Variants in ERICH6B observed in about 807,000 individuals in gnomAD.
The protein encoded by ERICH6B is glutamate rich 6B.
A neutral mutation model predicts 80.0 loss-of-function variants in ERICH6B; 69 were observed. The ratio of observed to expected loss-of-function variants is 0.86; its 90% CI spans 0.71 to 1.05. The LOEUF is 1.05. ERICH6B is among the 50% of genes least tolerant of loss of function. ERICH6B has a pLI of 0.00. For missense variants in ERICH6B, 754 were observed against 796.1 expected, an observed-to-expected ratio of 0.95 and a Z score of 0.64; for synonymous variants, 283 against 291.9, an observed-to-expected ratio of 0.97 and a Z score of 0.31.
chr13:45,548,536 G>A (rs922687630), intron 13 of ERICH6B, among the ~76,000 whole-genome samples: 1 of 152,182 alleles, frequency 6.6e-6, no homozygotes, highest in African/African-American at 2.4e-5. Flanking sequence ...GAGAGAGGGA[G>A]AGAGGCTGGC....
chr13:45,612,519 G>A (rs920546775), intron 1 of ERICH6B, among the ~76,000 whole-genome samples: 1 of 152,198 alleles, frequency 6.6e-6, no homozygotes, highest in African/African-American at 2.4e-5. Context: ...TGGCCCCTGG[G>A]GTATGGGGCC....
intron 1 of ERICH6B, among the ~76,000 whole-genome samples, chr13:45,608,083 T>C (rs1459929796): frequency 6.6e-6 from 1 of 152,158 alleles, no homozygotes; most frequent in Admixed American, 6.5e-5. Context: ...AAAATTAGTA[T>C]GGAACAGGAA....
chr13:45,583,117 TC>T (rs1875743928), intron 5 of ERICH6B, among the ~76,000 whole-genome samples: 2 of 152,240 alleles, frequency 1.3e-5, no homozygotes, highest in African/African-American at 4.8e-5. Context: ...AATCTTTAGT[TC>T]CTGCTATTTC....
intron 2 of ERICH6B, among the ~76,000 whole-genome samples, chr13:45,597,331 C>A (rs914491803): frequency 1.3e-5 from 2 of 152,176 alleles, no homozygotes; most frequent in African/African-American, 4.8e-5. Flanking sequence ...GGAAAGCAAT[C>A]ATTGTTTAGT....
intron 2 of ERICH6B, among the ~76,000 whole-genome samples, chr13:45,601,998 G>A (rs112872846): frequency 1.4e-4 from 22 of 152,312 alleles, no homozygotes; most frequent in Non-Finnish European, 2.2e-4. Context: ...GTGTGTAAAC[G>A]TCTATGTGTG....
At chr13:45,562,604 C>A (rs1025308776) in intron 10 of ERICH6B, among the ~76,000 whole-genome samples, 2 of 152,100 alleles carry the variant, frequency 1.3e-5, no homozygotes, top group African/African-American at 4.8e-5. Context: ...AAGGGGATGT[C>A]AGTTAGGAGA....
chr13:45,574,799 G>C (rs1875310860), intron 8 of ERICH6B, 43 bp downstream of exon 8: 1 of 1,453,486 alleles, frequency 6.9e-7, no homozygotes, highest in African/African-American at 1.6e-5. Flanking sequence ...CCCTACATTT[G>C]GAGGAAGCTG....
intron 1 of ERICH6B, among the ~76,000 whole-genome samples, chr13:45,609,601 C>A (rs1383369667): frequency 6.6e-6 from 1 of 152,176 alleles, no homozygotes; most frequent in African/African-American, 2.4e-5. Context: ...TAGAATAGTG[C>A]CTGGCATTTG....
At chr13:45,594,018 T>G (rs1260105343) in intron 3 of ERICH6B, among the ~76,000 whole-genome samples, 1 of 152,230 alleles carries the variant, frequency 6.6e-6, no homozygotes, top group Non-Finnish European at 1.5e-5. Context: ...TCAATTTACA[T>G]GTACTGAGCA....
At chr13:45,569,725 T>C (rs118104611) in intron 8 of ERICH6B, among the ~76,000 whole-genome samples, 238 of 152,330 alleles carry the variant, frequency 1.6e-3, no homozygotes, top group Non-Finnish European at 2.7e-3. Flanking sequence ...CTGGGACAGA[T>C]ACAAGTTTAT....
chr13:45,593,032 T>C (rs1826943711), intron 3 of ERICH6B, among the ~76,000 whole-genome samples: 1 of 152,164 alleles, frequency 6.6e-6, no homozygotes, highest in Non-Finnish European at 1.5e-5. Context: ...ACACCCATGT[T>C]GTGCATCCAA....
chr13:45,565,922 G>A (rs911054633), intron 9 of ERICH6B, among the ~76,000 whole-genome samples: 2 of 152,232 alleles, frequency 1.3e-5, no homozygotes, highest in African/African-American at 4.8e-5. Flanking sequence ...AAGAAGACAG[G>A]AAAATACGGG....
At chr13:45,609,025 G>A (rs999173957) in intron 1 of ERICH6B, among the ~76,000 whole-genome samples, 9 of 152,268 alleles carry the variant, frequency 5.9e-5, no homozygotes, top group East Asian at 3.9e-4. Flanking sequence ...TCCTGAATCC[G>A]TTCTTCCTGC....
chr13:45,584,443 G>A (rs902882457), intron 5 of ERICH6B, among the ~76,000 whole-genome samples: 4 of 152,176 alleles, frequency 2.6e-5, no homozygotes, highest in Admixed American at 6.5e-5. Flanking sequence ...TGTGGAACAC[G>A]ATTTTTGACT....
rs1199271744 is a variant in ERICH6B, at chr13:45,563,726, C to A, written c.1249+1G>T. On this transcript the variant is annotated splice_donor_variant, in intron 10 of 14. Coordinates refer to ENST00000298738, the MANE Select transcript of ERICH6B (RefSeq NM_182542.3). LOFTEE classifies it high-confidence loss of function. ...GTGGAAAATGGTGGAGTGGTGCCTA[C>A]CTTCACGTCTCCTCTTAATCCGTAA... 1 of 1,552,136 alleles carries A rather than the reference C, an allele frequency of 6.4e-7. No individual in the cohort carries two copies. The highest frequency in any genetic ancestry group is 8.7e-7 in the Non-Finnish European group (1 of 1,147,072).
chr13:45,563,485 C>T (rs757504099), intron 10 of ERICH6B, among the ~76,000 whole-genome samples: 11 of 152,132 alleles, frequency 7.2e-5, no homozygotes, highest in Non-Finnish European at 1.0e-4. Flanking sequence ...CAAGGTGACT[C>T]GCTCTGTGTT....
At chr13:45,581,381 C>A (rs955781949) in intron 5 of ERICH6B, among the ~76,000 whole-genome samples, 1 of 152,128 alleles carries the variant, frequency 6.6e-6, no homozygotes, top group Non-Finnish European at 1.5e-5. Context: ...ATCCTACATT[C>A]CATTCTTGTT....
At chr13:45,555,745 C>T (rs1423230533) in intron 11 of ERICH6B, among the ~76,000 whole-genome samples, 2 of 151,980 alleles carry the variant, frequency 1.3e-5, no homozygotes, top group African/African-American at 2.4e-5. Context: ...TCAAAATAGA[C>T]ATGACATGAG....
chr13:45,582,974 T>G (rs1035609602), intron 5 of ERICH6B, among the ~76,000 whole-genome samples: 10 of 152,222 alleles, frequency 6.6e-5, no homozygotes, highest in African/African-American at 2.4e-4. Flanking sequence ...CAGACTCATT[T>G]CACCAACTTC....
Sources: gnomAD v4.1 joint callset for allele counts (sites outside exome capture counted in the v4.1 genomes callset) on GRCh38, gnomAD v4.1.1 for gene constraint, MANE v1.5 for transcripts, NCBI Gene and HGNC (gene_info 2026-07-23, HGNC 2026-07-21) for gene names.